The following ZNF445 variants were observed in gnomAD, a reference collection of about 807,000 sequenced individuals.
The protein encoded by ZNF445 is zinc finger protein 168.
A neutral mutation model predicts 93.9 loss-of-function variants in ZNF445; 19 were observed. That is an observed-to-expected ratio of 0.20 (90% CI 0.14 to 0.30). The LOEUF (loss-of-function observed/expected upper bound fraction) is 0.30. Ranked by LOEUF, ZNF445 falls within the 10% of genes least tolerant of loss-of-function variation. The pLI, the probability that ZNF445 is intolerant of heterozygous loss-of-function variation, is 1.00. For synonymous variants in ZNF445, 449 were observed against 446.3 expected (o/e 1.01, Z -0.08); for missense variants, 1,058 against 1,259.4 (o/e 0.84, Z 2.42).
chr3:44,451,111 G>T, intron 4 of ZNF445, 149 bp from the exon 5 acceptor site: 4 of 999,096 alleles, frequency 4.0e-6, no homozygotes, highest in Non-Finnish European at 5.9e-6. Context: ...GTCTACTGGG[G>T]CCAGGAAAGG....
chr3:44,449,687 C>G (rs1284795244), intron 6 of ZNF445, 64 bp from the exon 7 acceptor site: 7 of 1,388,386 alleles, frequency 5.0e-6, no homozygotes, highest in Non-Finnish European at 7.2e-6. Context: ...TCTTCAGGAC[C>G]TCTGGGCCTG....
In ZNF445 at chr3:44,441,823, G is replaced by A. The variant is rs1170739310; in HGVS notation, c.*4752C>T. 6.6e-6 allele frequency: 1 copy of A among 152,172 alleles called. No homozygotes were observed. The highest frequency in any genetic ancestry group is 1.5e-5 in the Non-Finnish European group (1 of 68,042). 9.4% of individuals were successfully genotyped at this position (152,172 alleles called of 1,614,324 possible). A position where few individuals can be genotyped will look rare whatever the true frequency, so the allele number is the denominator to read the frequency against. On this transcript the variant is annotated 3_prime_UTR_variant, in exon 8 of 8. Coordinates refer to ENST00000396077, the MANE Select transcript of ZNF445 (RefSeq NM_181489.6). ...CAAATCCATCAGGTCTCCTGCCTTA[G>A]GAAGGCAGAATGGTGACTTGCACAC...
In ZNF445 at chr3:44,441,015, G is replaced by C. The variant is rs1697802226; in HGVS notation, c.*5560C>G. On this transcript the variant is annotated 3_prime_UTR_variant, in exon 8 of 8. Transcript: ENST00000396077. ...TGCAACCTCCAACTCCCGGGATCTA[G>C]AGATTCTCCTGCCTCAGCCTCTCAA... 1 of 151,348 alleles carries C rather than the reference G, an allele frequency of 6.6e-6. No individual in the cohort carries two copies. Among genetic ancestry groups the C allele is most frequent in the Admixed American group, 6.6e-5 (1 of 15,144 alleles). The allele number at this position is 151,348 out of a possible 1,614,324, so 9.4% of individuals were successfully genotyped here. A position where few individuals can be genotyped will look rare whatever the true frequency, so the allele number is the denominator to read the frequency against.
chr3:44,462,321 C>A (rs1208319983), intron 1 of ZNF445, among the ~76,000 whole-genome samples: 1 of 152,162 alleles, frequency 6.6e-6, no homozygotes, highest in Non-Finnish European at 1.5e-5. Context: ...GGGATACTTT[C>A]TCTTGGTTTC....
chr3:44,448,709 A>T lies in ZNF445; in HGVS notation c.962T>A (p.Phe321Tyr). 1 of 1,613,250 alleles carries T rather than the reference A, an allele frequency of 6.2e-7. No individual in the cohort carries two copies. The highest frequency in any genetic ancestry group is 8.5e-7 in the Non-Finnish European group (1 of 1,179,828). Residue 321 changes from phenylalanine to tyrosine, a missense_variant, in exon 8 of 8, where the codon TTC (phenylalanine) becomes TAC (tyrosine). Transcript: ENST00000396077. ...GDDLQSKTNK[F>Y]ILNQEPLEEA... The stretch of plus-strand genomic sequence containing the variant: ...TTCCAAAGGTTCCTGATTTAAGATG[A>T]ATTTGTTTGTTTTACTCTGGAGGTC...
At chr3:44,465,828 C>T (rs150249669) in intron 1 of ZNF445, among the ~76,000 whole-genome samples, 173 of 152,212 alleles carry the variant, frequency 1.1e-3, no homozygotes, top group East Asian at 0.01. Flanking sequence ...GCAAGCAAAT[C>T]GCTTGAACCT....
In ZNF445 at chr3:44,446,550, C is replaced by T. The variant is rs1418965841; in HGVS notation, c.*25G>A. The T allele has an allele frequency of 1.2e-6, 2 of 1,613,488 alleles. No homozygotes were observed. The highest frequency in any genetic ancestry group is 8.5e-7 in the Non-Finnish European group (1 of 1,179,968). On this transcript the variant is annotated 3_prime_UTR_variant, in exon 8 of 8. Coordinates refer to ENST00000396077, the MANE Select transcript of ZNF445 (RefSeq NM_181489.6). This position sits in a 1 kb window ranked among gnomAD's most constrained non-coding sequence, Gnocchi z 4.2. ...TCTAGCAGGGGACTGAGAACCCACC[C>T]CCACTGTCACTGTCAGGTCCCAGGC...
At chr3:44,470,238 A>G (rs1215163513) in intron 1 of ZNF445, among the ~76,000 whole-genome samples, 1 of 152,200 alleles carries the variant, frequency 6.6e-6, no homozygotes, top group Non-Finnish European at 1.5e-5. Context: ...GGACACTCCT[A>G]CACAGCCAAG....
intron 1 of ZNF445, among the ~76,000 whole-genome samples, chr3:44,475,928 G>A (rs1226763598): frequency 2.0e-5 from 3 of 152,210 alleles, no homozygotes; most frequent in African/African-American, 7.2e-5. Flanking sequence ...GAACCCAGGA[G>A]GCGGAGGCTG....
rs1559395684 is a variant in ZNF445 at position 44,455,492 on chromosome 3, G to A, written c.58C>T (p.Arg20Ter). Residue 20 changes from arginine to a stop codon, truncating the protein, a stop_gained, in exon 3 of 8, where the codon CGA becomes TGA. Transcript: ENST00000396077. LOFTEE classifies it high-confidence loss of function. The part of the protein sequence containing the change: ...YPAQAQSSRE[R>*]GRLQTVKKEE... ...TTCTTTACTGTCTGAAGCCGCCCTC[G>A]CTCCCTCGAAGACTGGGCCTGAGCT... 6.2e-7 allele frequency: 1 copy of A among 1,612,904 alleles called. No individual in the cohort carries two copies. The highest frequency in any genetic ancestry group is 8.5e-7 in the Non-Finnish European group (1 of 1,179,386).
rs1224918683 is a variant in ZNF445, at chr3:44,440,819, A to T, written c.*5756T>A. The T allele has an allele frequency of 6.6e-6, 1 of 152,168 alleles. No homozygotes were observed. The highest frequency in any genetic ancestry group is 1.5e-5 in the Non-Finnish European group (1 of 68,030). The allele number at this position is 152,168 out of a possible 1,614,324, so 9.4% of individuals were successfully genotyped here. ...ATGCTAAACAAGGGGTAGATTATTC[A>T]TAAGTTTCCCGGGAAAGGTGTGAGC... On this transcript the variant is annotated 3_prime_UTR_variant, in exon 8 of 8. Coordinates refer to ENST00000396077, the MANE Select transcript of ZNF445 (RefSeq NM_181489.6).
rs1422737829 is a variant in ZNF445, at chr3:44,451,316, G to C, written c.596C>G (p.Ser199Cys). Residue 199 changes from serine to cysteine, a missense_variant and splice_region_variant, in exon 4 of 8, where the codon TCC (serine) becomes TGC (cysteine). Coordinates refer to ENST00000396077, the MANE Select transcript of ZNF445 (RefSeq NM_181489.6). ...IEARDFLAGQ[S>C]DTPAAQMPAL... ...TCTTAAGGCCAGGCAGCAAGTACCGGATTGCCCAGCCAGGAAGTCACGTGC... is the reference window on the plus strand; with the variant it reads ...TCTTAAGGCCAGGCAGCAAGTACCGCATTGCCCAGCCAGGAAGTCACGTGC... The C allele has an allele frequency of 6.2e-7, 1 of 1,612,620 alleles. No homozygotes were observed. The highest frequency in any genetic ancestry group is 1.7e-5 in the Admixed American group (1 of 59,974).
chr3:44,447,210 G>C lies in ZNF445; in HGVS notation c.2461C>G (p.His821Asp). 1.2e-6 allele frequency: 2 copies of C among 1,614,114 alleles called. No individual in the cohort carries two copies. The highest frequency in any genetic ancestry group is 8.5e-7 in the Non-Finnish European group (1 of 1,180,022). Reference sequence around the variant, plus strand: ...ACATTTGGAGTCTTTTCACTTTCATGGCAATCATACTGTTTTTGAAGAGAG... The same window carrying C: ...ACATTTGGAGTCTTTTCACTTTCATCGCAATCATACTGTTTTTGAAGAGAG... ...IHSLQKQYDC[H>D]ESEKTPNVEP... is the part of the protein sequence containing the mutation. Residue 821 changes from histidine (H) to aspartate (D), a missense_variant, in exon 8 of 8, where the codon CAT becomes GAT. By Grantham distance (81) the His-to-Asp change is moderately conservative (BLOSUM62 -1). This residue lies in a region of ZNF445 where 387 missense variants were observed against 475.7 expected (regional missense o/e 0.81). Transcript: ENST00000396077. The surrounding 1 kb of genome is among the most constrained non-coding windows in gnomAD (Gnocchi z 4.7).
chr3:44,466,322 T>A (rs879318012), intron 1 of ZNF445, among the ~76,000 whole-genome samples: 2 of 152,188 alleles, frequency 1.3e-5, no homozygotes, highest in Non-Finnish European at 2.9e-5. Context: ...TATGTCTCTT[T>A]CTAACCTAAT....
At position 44,447,731 on chromosome 3, in the gene ZNF445, T is replaced by A. The variant is rs1483442755; in HGVS notation, c.1940A>T (p.His647Leu). 6.2e-7 allele frequency: 1 copy of A among 1,614,220 alleles called. No homozygotes were observed. The highest frequency in any genetic ancestry group is 8.5e-7 in the Non-Finnish European group (1 of 1,180,046). The change falls in exon 8 of 8, where the codon CAT becomes CTT. Residue 647 changes from histidine (H) to leucine (L), a missense_variant. Coordinates refer to ENST00000396077, the MANE Select transcript of ZNF445 (RefSeq NM_181489.6). This position sits in a 1 kb window ranked among gnomAD's most constrained non-coding sequence, Gnocchi z 4.7. ...RSNFTRHMRL[H>L]EEEKFYKQDE... ...TTGTTTGTAGAATTTTTCCTCCTCA[T>A]GCAACCTCATATGACGAGTAAAGTT...
In ZNF445 at chr3:44,434,897, A is replaced by C. The variant is rs1230536506; in HGVS notation, c.*11678T>G. ...TGAAGGCTATGCTATTGAACACTGT[A>C]ACTCAACTTTTACGTGCTACCTTAT... On this transcript the variant is annotated 3_prime_UTR_variant, in exon 8 of 8. Transcript: ENST00000396077. 1 of 152,172 alleles carries C rather than the reference A, an allele frequency of 6.6e-6. No individual in the cohort carries two copies. The highest frequency in any genetic ancestry group is 1.5e-5 in the Non-Finnish European group (1 of 68,030). The allele number at this position is 152,172 out of a possible 1,614,324, so 9.4% of individuals were successfully genotyped here. A position where few individuals can be genotyped will look rare whatever the true frequency, so the allele number is the denominator to read the frequency against.
chr3:44,477,267 C>T (rs558341351), intron 1 of ZNF445, among the ~76,000 whole-genome samples: 2 of 152,216 alleles, frequency 1.3e-5, no homozygotes, highest in Non-Finnish European at 2.9e-5. Context: ...AGGATTGCGG[C>T]TACTTTTACT....
chr3:44,464,946 A>T (rs1698173568), intron 1 of ZNF445, among the ~76,000 whole-genome samples: 2 of 151,564 alleles, frequency 1.3e-5, no homozygotes, highest in African/African-American at 4.9e-5. Context: ...ATGCGCCTGT[A>T]GTCCCAGCTA....
chr3:44,449,672 A>G (rs1367949774), intron 6 of ZNF445, 49 bp from the exon 7 acceptor site: 1 of 1,480,826 alleles, frequency 6.8e-7, no homozygotes, highest in Admixed American at 1.7e-5. Context: ...ATGACACAGA[A>G]CTACTCTTCA....
Sources: gnomAD v4.1 joint callset for allele counts (sites outside exome capture counted in the v4.1 genomes callset) on GRCh38, gnomAD v4.1.1 for gene constraint, gnomAD v4.1.1 regional missense constraint, Gnocchi (gnomAD v3.1) non-coding constraint, MANE v1.5 for transcripts, NCBI Gene and HGNC (gene_info 2026-07-23, HGNC 2026-07-21) for gene names.